The following GRM8 variants were observed in gnomAD, a reference collection of about 807,000 sequenced individuals.
GRM8 encodes the protein glutamate metabotropic receptor 8, also known as metabotropic glutamate receptor 8.
A neutral mutation model predicts 87.2 loss-of-function variants in GRM8; 47 were observed. That is an observed-to-expected ratio of 0.54 (90% CI 0.43 to 0.69). The LOEUF is 0.69. GRM8 is among the 30% of genes least tolerant of loss of function. GRM8 has a pLI of 0.00. For synonymous variants in GRM8, 396 were observed against 404.5 expected (o/e 0.98, Z 0.25); for missense variants, 1,019 against 1,139.2 (o/e 0.89, Z 1.52).
intron 7 of GRM8, among the ~76,000 whole-genome samples, chr7:126,616,618 T>C (rs1251885540): frequency 1.3e-5 from 2 of 152,048 alleles, no homozygotes; most frequent in Non-Finnish European, 2.9e-5. Context: ...ACAAAATTGA[T>C]AGACCGCTAG....
In GRM8 at chr7:126,591,221, T is replaced by C. The variant is rs537272174; in HGVS notation, c.1494+18141A>G. On this transcript the variant is annotated intron_variant, in intron 8 of 10. Transcript: ENST00000339582. ...TAAATGGAAACCAAAAGAGAGCAGA[T>C]AGTCATTCTTACATCAGACAAAACA... Among the ~76,000 whole-genome samples, 17 of 152,154 alleles carry C rather than the reference T, an allele frequency of 1.1e-4. No individual in the cohort carries two copies. The South Asian group carries it at 1.9e-3, about 17-fold the overall frequency.
At chr7:126,593,649 A>G (rs1796896988) in intron 8 of GRM8, among the ~76,000 whole-genome samples, 1 of 152,046 alleles carries the variant, frequency 6.6e-6, no homozygotes, top group African/African-American at 2.4e-5. Flanking sequence ...AAACTGCTAT[A>G]AGAAAACATA....
rs779199693 is a variant in GRM8, at chr7:126,904,130, C to T, written c.864-4G>A. ...TTTTGCTGCTTCCAATATCCTCCTA[C>T]AGGAATAAAAATAAATAATGCATAT... On this transcript the variant is annotated splice_polypyrimidine_tract_variant and splice_region_variant and intron_variant, in intron 4 of 10. Transcript: ENST00000339582. 5 of 1,604,700 alleles carry T rather than the reference C, an allele frequency of 3.1e-6. No individual in the cohort carries two copies. The African/African-American group carries it at 5.4e-5, about 17-fold the overall frequency.
chr7:126,485,139 A>G (rs1014904167), intron 9 of GRM8, among the ~76,000 whole-genome samples: 1 of 152,098 alleles, frequency 6.6e-6, no homozygotes. Context: ...TGCAAATGCA[A>G]TAAGCATTTT....
intron 7 of GRM8, among the ~76,000 whole-genome samples, chr7:126,617,849 T>A (rs912766641): frequency 4.6e-5 from 7 of 152,132 alleles, no homozygotes; most frequent in African/African-American, 1.7e-4. Context: ...CAAGGAGAAC[T>A]ACAAACCACT....
At chr7:126,815,736 A>G (rs1793725736) in intron 6 of GRM8, among the ~76,000 whole-genome samples, 1 of 152,116 alleles carries the variant, frequency 6.6e-6, no homozygotes, top group Non-Finnish European at 1.5e-5. Context: ...AACATCTTAT[A>G]AGGACTATAA....
Position 126,826,916 on chromosome 7 carries a change from T to C in GRM8, c.1157-56851A>G, listed in dbSNP as rs564089835. Among the ~76,000 whole-genome samples, 127 of 152,336 alleles carry C rather than the reference T, an allele frequency of 8.3e-4. 2 individuals are homozygous for C. The South Asian group carries it at 0.026, about 31-fold the overall frequency. On this transcript the variant is annotated intron_variant, in intron 6 of 10. Coordinates refer to ENST00000339582, the MANE Select transcript of GRM8 (RefSeq NM_000845.3). ...ATAAGGTGTAAGGAAGGGATCCAGT[T>C]TCAGCTTTCTCCATATGGCTAACCA...
intron 2 of GRM8, among the ~76,000 whole-genome samples, chr7:127,142,966 C>T (rs1194433849): frequency 1.3e-5 from 2 of 151,984 alleles, no homozygotes; most frequent in Non-Finnish European, 2.9e-5. Context: ...AGGAGATGCC[C>T]CATGCATCTT....
At chr7:127,028,054 G>C (rs1176997667) in intron 3 of GRM8, among the ~76,000 whole-genome samples, 1 of 152,150 alleles carries the variant, frequency 6.6e-6, no homozygotes, top group Non-Finnish European at 1.5e-5. Flanking sequence ...GTTGAATTTT[G>C]TCAAAGGACT....
At chr7:126,976,508 C>T (rs557291784) in intron 3 of GRM8, among the ~76,000 whole-genome samples, 22 of 152,186 alleles carry the variant, frequency 1.4e-4, no homozygotes, top group African/African-American at 5.3e-4. Context: ...GCAGGACAAT[C>T]GCTTGAACCT....
chr7:127,051,619 T>A (rs11563772), intron 3 of GRM8, among the ~76,000 whole-genome samples: 12,118 of 151,726 alleles, frequency 0.08, 521 homozygotes, highest in South Asian at 0.13. Flanking sequence ...TGAAAAATTA[T>A]CCAAATACAA....
chr7:126,707,531 C>A (rs1040813707), intron 7 of GRM8, among the ~76,000 whole-genome samples: 1 of 152,138 alleles, frequency 6.6e-6, no homozygotes, highest in African/African-American at 2.4e-5. Flanking sequence ...TTCTCCTATA[C>A]TCTAGGTCTA....
intron 3 of GRM8, among the ~76,000 whole-genome samples, chr7:127,021,872 T>C (rs1216285545): frequency 2.6e-5 from 4 of 152,224 alleles, no homozygotes; most frequent in East Asian, 1.9e-4. Flanking sequence ...TGAAAAGATA[T>C]GTGCAATTTT....
chr7:126,486,472 T>A (rs1807385076), intron 9 of GRM8, among the ~76,000 whole-genome samples: 1 of 151,958 alleles, frequency 6.6e-6, no homozygotes, highest in South Asian at 2.1e-4. Context: ...CTCCCCTCCC[T>A]CAAAGTGCCT....
chr7:126,474,735 A>T (rs1805700171), intron 9 of GRM8, among the ~76,000 whole-genome samples: 1 of 152,132 alleles, frequency 6.6e-6, no homozygotes, highest in Non-Finnish European at 1.5e-5. Flanking sequence ...GCCTCATATA[A>T]GACTGGTATG....
intron 3 of GRM8, among the ~76,000 whole-genome samples, chr7:127,041,247 T>C (rs564842640): frequency 6.6e-6 from 1 of 152,288 alleles, no homozygotes; most frequent in East Asian, 1.9e-4. Flanking sequence ...ATCAGCAGGT[T>C]TCAGGGCAGG....
At chr7:126,712,695 A>G (rs1811232715) in intron 7 of GRM8, among the ~76,000 whole-genome samples, 1 of 152,306 alleles carries the variant, frequency 6.6e-6, no homozygotes, top group Admixed American at 6.5e-5. Context: ...TTTGCAATCT[A>G]TCCATCTGAC....
intron 6 of GRM8, among the ~76,000 whole-genome samples, chr7:126,797,162 C>T (rs1209840182): frequency 3.3e-5 from 5 of 152,082 alleles, no homozygotes; most frequent in African/African-American, 4.8e-5. Context: ...ATCAGACTTG[C>T]AGTTCATTAA....
Position 126,618,080 on chromosome 7 carries a change from G to A in GRM8, c.1358-8582C>T, listed in dbSNP as rs187678128. Among the ~76,000 whole-genome samples the A allele has an allele frequency of 7.0e-4, 106 of 152,210 alleles. 3 individuals are homozygous for A. The East Asian group carries it at 0.016, about 24-fold the overall frequency. The stretch of plus-strand genomic sequence containing the variant: ...GCCCTCATTGCCAAGACAATCCTAA[G>A]CCAAAAGAACAAAGCTGGAGGCATC... On this transcript the variant is annotated intron_variant, in intron 7 of 10. Coordinates refer to ENST00000339582, the MANE Select transcript of GRM8 (RefSeq NM_000845.3).
Sources: allele counts gnomAD v4.1 joint callset (sites outside exome capture counted in the v4.1 genomes callset), GRCh38; gene constraint gnomAD v4.1.1; transcripts MANE v1.5; gene names NCBI Gene and HGNC (gene_info 2026-07-23, HGNC 2026-07-21).